The following NTM variants were observed in gnomAD, a reference collection of about 807,000 sequenced individuals.
NTM encodes the protein neurotrimin.
Under a neutral mutation model 42.1 loss-of-function variants are expected in NTM, and 13 were observed. The ratio of observed to expected loss-of-function variants is 0.31; its 90% CI spans 0.20 to 0.49. The LOEUF (loss-of-function observed/expected upper bound fraction) is 0.49, where lower values mean the gene tolerates loss of function less well. NTM is among the 20% of genes least tolerant of loss of function. The probability of loss-of-function intolerance (pLI) is 0.99; values close to 1 mark genes in which losing one functional copy is unlikely to be tolerated. For synonymous variants in NTM, 187 were observed against 179.2 expected (o/e 1.04, Z -0.35); for missense variants, 373 against 452.8 (o/e 0.82, Z 1.60).
intron 1 of NTM, among the ~76,000 whole-genome samples, chr11:131,552,662 C>CA (rs1395036038): frequency 7.2e-5 from 11 of 151,834 alleles, no homozygotes; most frequent in African/African-American, 2.7e-4. Context: ...AAAAAAAATA[C>CA]AAAAAATTAG....
chr11:132,109,308 A>G (rs1021833584), intron 2 of NTM, among the ~76,000 whole-genome samples: 1 of 151,986 alleles, frequency 6.6e-6, no homozygotes, highest in African/African-American at 2.4e-5. Flanking sequence ...ACTAATTTAC[A>G]CTCCCACCAA....
intron 1 of NTM, among the ~76,000 whole-genome samples, chr11:131,391,735 C>A (rs1293250237): frequency 6.6e-6 from 1 of 150,998 alleles, no homozygotes; most frequent in East Asian, 1.9e-4. Flanking sequence ...GCTCCCAGCA[C>A]CCTGTGCGGC....
In NTM at chr11:131,444,620, A is replaced by G. The variant is rs1949898789; in HGVS notation, c.82+73732A>G. Among the ~76,000 whole-genome samples, 2 of 152,210 alleles carry G rather than the reference A, an allele frequency of 1.3e-5. 1 individual carries two copies. Among genetic ancestry groups the G allele is most frequent in the South Asian group, 4.1e-4 (2 of 4,820 alleles). The stretch of plus-strand genomic sequence containing the variant: ...TCATGGCATAAATTGAGGGCTTTGC[A>G]TGGAAGGTTCTTGAATGTGTTTATG... On this transcript the variant is annotated intron_variant, in intron 1 of 8. Coordinates refer to ENST00000683400, the MANE Select transcript of NTM (RefSeq NM_001352005.2).
chr11:132,326,318 G>C (rs190973490), intron 7 of NTM, among the ~76,000 whole-genome samples: 11 of 152,228 alleles, frequency 7.2e-5, no homozygotes, highest in Admixed American at 3.9e-4. Flanking sequence ...GAGGAAATTG[G>C]AGCTTTTGAA....
At chr11:132,135,323 G>T in intron 2 of NTM, among the ~76,000 whole-genome samples, 1 of 152,168 alleles carries the variant, frequency 6.6e-6, no homozygotes, top group Non-Finnish European at 1.5e-5. Flanking sequence ...TCCTTTCCTT[G>T]CAGCCTCCCA....
At chr11:132,045,688 C>A (rs1390552751) in intron 2 of NTM, among the ~76,000 whole-genome samples, 1 of 152,172 alleles carries the variant, frequency 6.6e-6, no homozygotes, top group Non-Finnish European at 1.5e-5. Context: ...TTCCTCAAAG[C>A]ACGTTTCTCA....
intron 1 of NTM, among the ~76,000 whole-genome samples, chr11:131,548,670 G>C (rs2054260691): frequency 1.3e-5 from 2 of 152,166 alleles, no homozygotes; most frequent in South Asian, 2.1e-4. Flanking sequence ...TGAGGGAGAA[G>C]GTGTGAGACT....
At chr11:132,053,086 C>T (rs1594149872) in intron 2 of NTM, among the ~76,000 whole-genome samples, 1 of 152,206 alleles carries the variant, frequency 6.6e-6, no homozygotes, top group South Asian at 2.1e-4. Flanking sequence ...TGTGGTATAC[C>T]GATCACAACA....
chr11:131,581,695 G>C (rs2058426199), intron 1 of NTM, among the ~76,000 whole-genome samples: 1 of 152,124 alleles, frequency 6.6e-6, no homozygotes, highest in South Asian at 2.1e-4. Flanking sequence ...CTTAACACAA[G>C]TGACTCCGTT....
In NTM at chr11:131,640,075, G is replaced by A. The variant is rs140671644; in HGVS notation, c.82+269187G>A. The stretch of plus-strand genomic sequence containing the variant: ...AAGACATGGGGGCGTCCATCCCGGA[G>A]GAGGATGGTGGCAGAGAAGCTCCAA... On this transcript the variant is annotated intron_variant, in intron 1 of 8. Coordinates refer to ENST00000683400, the MANE Select transcript of NTM (RefSeq NM_001352005.2). Among the ~76,000 whole-genome samples, 1,268 of 152,326 alleles carry A rather than the reference G, an allele frequency of 8.3e-3. 18 individuals are homozygous for A. Among genetic ancestry groups the A allele is most frequent in the African/African-American group, 0.029 (1,199 of 41,590 alleles).
At position 132,335,507 on chromosome 11, in the gene NTM, C is replaced by G. The variant is rs904739203; in HGVS notation, c.*361C>G. 22 of 241,060 alleles carry G rather than the reference C, an allele frequency of 9.1e-5. No homozygotes were observed. The highest frequency in any genetic ancestry group is 1.7e-4 in the Non-Finnish European group (21 of 123,250). 14.9% of individuals were successfully genotyped at this position (241,060 alleles called of 1,614,324 possible). ...GCCCACAGAGTGCCCCCACGTGGAACATTCTGGAGCTGGCCATCCCAAATT... is the reference window on the plus strand; with the variant it reads ...GCCCACAGAGTGCCCCCACGTGGAAGATTCTGGAGCTGGCCATCCCAAATT... On this transcript the variant is annotated 3_prime_UTR_variant, in exon 9 of 9. Coordinates refer to ENST00000683400, the MANE Select transcript of NTM (RefSeq NM_001352005.2).
intron 4 of NTM, among the ~76,000 whole-genome samples, chr11:132,230,147 G>A (rs2087192680): frequency 6.6e-6 from 1 of 152,198 alleles, no homozygotes; most frequent in South Asian, 2.1e-4. Context: ...GCTGAGCCCT[G>A]AGAGTCGATG....
At chr11:131,571,290 ACT>A (rs1449735632) in intron 1 of NTM, among the ~76,000 whole-genome samples, 2 of 152,236 alleles carry the variant, frequency 1.3e-5, no homozygotes, top group African/African-American at 2.4e-5. Context: ...GGTCTGAAAG[ACT>A]CTGATGAAGT....
intron 4 of NTM, among the ~76,000 whole-genome samples, chr11:132,246,762 G>A (rs1250595297): frequency 2.0e-5 from 3 of 152,140 alleles, no homozygotes; most frequent in East Asian, 1.9e-4. Flanking sequence ...CGTCTGTTTC[G>A]TATGTCGGCC....
In NTM at chr11:131,834,608, GTATATATATACATATACATATATA is replaced by G. The variant is rs1362373430; in HGVS notation, c.83-76945_83-76922del. The stretch of plus-strand genomic sequence containing the variant: ...GCCAAGCATCTTCGGAATAGTGTGT[GTATATATATACATATACATATATA>G]TATATATATATATGTATAATCTTCA... On this transcript the variant is annotated intron_variant, in intron 1 of 8. Transcript: ENST00000683400. Among the ~76,000 whole-genome samples the G allele has an allele frequency of 1.8e-3, 168 of 93,196 alleles. 1 individual carries two copies. Among genetic ancestry groups the G allele is most frequent in the African/African-American group, 5.2e-3 (137 of 26,514 alleles). The allele number at this position is 93,196 out of a possible 152,430, so 61.1% of individuals were successfully genotyped here. A position where few individuals can be genotyped will look rare whatever the true frequency, so the allele number is the denominator to read the frequency against.
chr11:131,573,892 A>G (rs1418214273), intron 1 of NTM, among the ~76,000 whole-genome samples: 1 of 152,164 alleles, frequency 6.6e-6, no homozygotes, highest in Non-Finnish European at 1.5e-5. Context: ...ACCTGCGGGC[A>G]CTGGAATCTC....
intron 4 of NTM, among the ~76,000 whole-genome samples, chr11:132,232,633 A>G (rs1055459919): frequency 6.6e-6 from 1 of 152,196 alleles, no homozygotes; most frequent in Non-Finnish European, 1.5e-5. Context: ...TTGTTACCTC[A>G]TCTGTAAAAT....
chr11:132,007,599 C>A (rs774703073), intron 2 of NTM, among the ~76,000 whole-genome samples: 1 of 152,142 alleles, frequency 6.6e-6, no homozygotes, highest in Non-Finnish European at 1.5e-5. Flanking sequence ...GGGGAAAAAT[C>A]AAGTCATATC....
intron 1 of NTM, among the ~76,000 whole-genome samples, chr11:131,802,693 C>T (rs1221377038): frequency 2.0e-5 from 3 of 152,204 alleles, no homozygotes; most frequent in Non-Finnish European, 4.4e-5. Context: ...AGCTGTGGCT[C>T]CTTTCTCGTG....
Sources: gnomAD v4.1 joint callset for allele counts (sites outside exome capture counted in the v4.1 genomes callset) on GRCh38, gnomAD v4.1.1 for gene constraint, MANE v1.5 for transcripts, NCBI Gene and HGNC (gene_info 2026-07-23, HGNC 2026-07-21) for gene names.